Variants in SLC22A23 observed in about 807,000 individuals in gnomAD.
SLC22A23 encodes the protein ion transporter protein.
A neutral mutation model predicts 61.0 loss-of-function variants in SLC22A23; 26 were observed. That is an observed-to-expected ratio of 0.43 (90% CI 0.31 to 0.59). SLC22A23 has a LOEUF of 0.59. SLC22A23 is among the 20% of genes least tolerant of loss of function. SLC22A23 has a pLI of 0.11. For missense variants in SLC22A23, 796 were observed against 934.7 expected (o/e 0.85, Z 1.94); for synonymous variants, 430 against 413.9 (o/e 1.04, Z -0.47).
intron 3 of SLC22A23, among the ~76,000 whole-genome samples, chr6:3,402,083 G>A (rs117691816): frequency 1.3e-5 from 2 of 152,084 alleles, no homozygotes; most frequent in South Asian, 2.1e-4. Context: ...AAGTCCCCTG[G>A]CCCTCCTTCA....
intron 3 of SLC22A23, among the ~76,000 whole-genome samples, chr6:3,376,870 C>T (rs935280952): frequency 1.3e-5 from 2 of 151,972 alleles, no homozygotes; most frequent in Non-Finnish European, 2.9e-5. Context: ...AGAAAAAGGG[C>T]CTTCTGAGTT....
chr6:3,423,194 G>C (rs1770263944), intron 1 of SLC22A23, among the ~76,000 whole-genome samples: 1 of 152,090 alleles, frequency 6.6e-6, no homozygotes, highest in Non-Finnish European at 1.5e-5. Context: ...TAAAGGGCTA[G>C]AGATGTAGAA....
chr6:3,284,317 CT>C (rs1323988883), intron 8 of SLC22A23, among the ~76,000 whole-genome samples: 1 of 152,204 alleles, frequency 6.6e-6, no homozygotes, highest in Admixed American at 6.5e-5. Context: ...CCTATGTTTG[CT>C]CCAGTCAGGT....
chr6:3,384,194 C>A (rs1767136437), intron 3 of SLC22A23, among the ~76,000 whole-genome samples: 2 of 152,166 alleles, frequency 1.3e-5, no homozygotes, highest in African/African-American at 4.8e-5. Context: ...TATTCATGCA[C>A]CTGTAGGGCT....
intron 3 of SLC22A23, among the ~76,000 whole-genome samples, chr6:3,340,679 TAA>T (rs1201146536): frequency 6.6e-6 from 1 of 152,148 alleles, no homozygotes; most frequent in African/African-American, 2.4e-5. Flanking sequence ...AGCAAATTTA[TAA>T]AGTGACAGAG....
chr6:3,313,693 G>GA (rs1330904764), intron 4 of SLC22A23: 2 of 152,148 alleles, frequency 1.3e-5, no homozygotes, highest in African/African-American at 4.8e-5. Flanking sequence ...GTTTGGGCAG[G>GA]AAAAAAGGCT....
intron 5 of SLC22A23, chr6:3,290,324 G>T: frequency 4.5e-6 from 1 of 223,490 alleles, no homozygotes. Context: ...GACTGGGAAG[G>T]CCACATGCAG....
In SLC22A23 at chr6:3,370,435, C is replaced by T. The variant is rs139783221; in HGVS notation, c.913+39753G>A. ...TACGAAGCTTTCTCTGCACAGGTGT[C>T]GAAAGCAAGGCTCACTCGCACTGGA... is the stretch of plus-strand genomic sequence containing the variant. On this transcript the variant is annotated intron_variant, in intron 3 of 9. Coordinates refer to ENST00000406686, the MANE Select transcript of SLC22A23 (RefSeq NM_015482.2). Among the ~76,000 whole-genome samples, 66 of 152,370 alleles carry T rather than the reference C, an allele frequency of 4.3e-4. 2 individuals are homozygous for T. Among genetic ancestry groups the T allele is most frequent in the African/African-American group, 1.5e-3 (64 of 41,580 alleles).
chr6:3,283,726 C>T (rs377028163), intron 9 of SLC22A23, 126 bp downstream of exon 9: 15 of 1,512,338 alleles, frequency 9.9e-6, no homozygotes, highest in East Asian at 5.0e-5. Context: ...CTATGAACCA[C>T]GAAGCTGATG....
intron 4 of SLC22A23, among the ~76,000 whole-genome samples, chr6:3,301,441 A>G (rs1444164691): frequency 6.6e-6 from 1 of 152,274 alleles, no homozygotes; most frequent in Non-Finnish European, 1.5e-5. Context: ...GTAATATGAC[A>G]GCGCAAGCGA....
chr6:3,292,384 T>G (rs1026250341), intron 5 of SLC22A23, among the ~76,000 whole-genome samples: 6 of 152,172 alleles, frequency 3.9e-5, no homozygotes, highest in African/African-American at 1.4e-4. Flanking sequence ...GAGACTTCTC[T>G]AAACTCCTCA....
rs367652042 is a variant in SLC22A23 at position 3,324,368 on chromosome 6, C to T, written c.914-366G>A. Reference sequence around the variant, plus strand: ...AGCTTGCTGTCCAGCACGTTCCCCCCTCGTGCCCATCCTGTCGCCATTCCT... The same window carrying T: ...AGCTTGCTGTCCAGCACGTTCCCCCTTCGTGCCCATCCTGTCGCCATTCCT... On this transcript the variant is annotated intron_variant, in intron 3 of 9. Coordinates refer to ENST00000406686, the MANE Select transcript of SLC22A23 (RefSeq NM_015482.2). The surrounding 1 kb of genome is among the most constrained non-coding windows in gnomAD (Gnocchi z 4.3). Among the ~76,000 whole-genome samples the T allele has an allele frequency of 2.0e-5, 3 of 152,198 alleles. No homozygotes were observed. The highest frequency in any genetic ancestry group is 2.1e-4 in the South Asian group (1 of 4,830).
chr6:3,280,720 TCTC>T (rs1483669455), intron 9 of SLC22A23, among the ~76,000 whole-genome samples: 1 of 152,024 alleles, frequency 6.6e-6, no homozygotes, highest in Non-Finnish European at 1.5e-5. Context: ...ATCCTCTCGA[TCTC>T]CTGACCTCGT....
At chr6:3,325,736 A>G (rs886703080) in intron 3 of SLC22A23, among the ~76,000 whole-genome samples, 1 of 152,238 alleles carries the variant, frequency 6.6e-6, no homozygotes, top group Non-Finnish European at 1.5e-5. Context: ...ATTAAGCACA[A>G]GCAGTAAATT....
chr6:3,401,390 GTA>G (rs1768379602), intron 3 of SLC22A23, among the ~76,000 whole-genome samples: 1 of 151,876 alleles, frequency 6.6e-6, no homozygotes, highest in Non-Finnish European at 1.5e-5. Context: ...GGCTGAAATG[GTA>G]AACTGTATGT....
intron 1 of SLC22A23, among the ~76,000 whole-genome samples, chr6:3,419,413 T>A (rs533626041): frequency 8.9e-4 from 136 of 152,336 alleles, no homozygotes; most frequent in African/African-American, 3.2e-3. Context: ...GATTCTGGTA[T>A]ACCTATGGTT....
intron 3 of SLC22A23, among the ~76,000 whole-genome samples, chr6:3,367,802 T>G (rs573632357): frequency 1.3e-5 from 2 of 152,320 alleles, no homozygotes; most frequent in South Asian, 4.1e-4. Context: ...CCTCCATCAA[T>G]GCACCCAGTG....
Position 3,456,707 on chromosome 6 carries a change from G to A in SLC22A23, c.-148C>T. The A allele has an allele frequency of 2.3e-6, 1 of 436,888 alleles. No homozygotes were observed. The highest frequency in any genetic ancestry group is 3.0e-6 in the Non-Finnish European group (1 of 331,382). 27.1% of individuals were successfully genotyped at this position (436,888 alleles called of 1,614,324 possible). On this transcript the variant is annotated 5_prime_UTR_variant, in exon 1 of 10. Coordinates refer to ENST00000406686, the MANE Select transcript of SLC22A23 (RefSeq NM_015482.2). The surrounding 1 kb of genome is among the most constrained non-coding windows in gnomAD (Gnocchi z 7.1). The stretch of plus-strand genomic sequence containing the variant: ...GAGAGAGAGCGCTCGGCGGCTCCGG[G>A]TGCGTCAGGCCGCCCCCATGTCACC...
At position 3,342,231 on chromosome 6, in the gene SLC22A23, A is replaced by C. The variant is rs1764193417; in HGVS notation, c.914-18229T>G. ...AGATGGAAGCCTCAATTTGAAATCC[A>C]GCCCAATGTGGTTTGCTGTTTTAAG... On this transcript the variant is annotated intron_variant, in intron 3 of 9. Coordinates refer to ENST00000406686, the MANE Select transcript of SLC22A23 (RefSeq NM_015482.2). The surrounding 1 kb of genome is among the most constrained non-coding windows in gnomAD (Gnocchi z 4.0). 6.6e-6 allele frequency among the ~76,000 whole-genome samples: 1 copy of C among 152,220 alleles called. No homozygotes were observed. The highest frequency in any genetic ancestry group is 6.5e-5 in the Admixed American group (1 of 15,286).
Sources: gnomAD v4.1 joint callset for allele counts (sites outside exome capture counted in the v4.1 genomes callset) on GRCh38, gnomAD v4.1.1 for gene constraint, Gnocchi (gnomAD v3.1) non-coding constraint, MANE v1.5 for transcripts, NCBI Gene and HGNC (gene_info 2026-07-23, HGNC 2026-07-21) for gene names.